Variants in CYP11B2 observed in about 807,000 individuals in gnomAD.
The protein encoded by CYP11B2 is cytochrome P450 11B2, mitochondrial.
A neutral mutation model predicts 49.3 loss-of-function variants in CYP11B2; 38 were observed. The ratio of observed to expected loss-of-function variants is 0.77; its 90% CI spans 0.59 to 1.01. The LOEUF (loss-of-function observed/expected upper bound fraction) is 1.01. Among genes scored for constraint, CYP11B2 ranks in the 50% least tolerant of loss-of-function variants. CYP11B2 has a pLI of 0.00. For synonymous variants in CYP11B2, 290 were observed against 269.3 expected, an observed-to-expected ratio of 1.08 and a Z score of -0.75; for missense variants, 669 against 655.5, an observed-to-expected ratio of 1.02 and a Z score of -0.23.
chr8:142,917,315 C>A, intron 1 of CYP11B2, 101 bp from the exon 2 acceptor site: 1 of 1,465,326 alleles, frequency 6.8e-7, no homozygotes, highest in South Asian at 1.2e-5. Flanking sequence ...CCTCCCTGCT[C>A]CTGGATTAGC....
At position 142,917,763 on chromosome 8, in the gene CYP11B2, AGTGCCCAGTGCCC is replaced by A; in HGVS notation, c.65_77del (p.Arg22LeufsTer25). 6.2e-7 allele frequency: 1 copy of A among 1,614,186 alleles called. No individual in the cohort carries two copies. Among genetic ancestry groups the A allele is most frequent in the Non-Finnish European group, 8.5e-7 (1 of 1,180,040 alleles). On this transcript the variant is annotated frameshift_variant, in exon 1 of 9. Transcript: ENST00000323110. LOFTEE classifies it high-confidence loss of function. ...CCGTCCTAGGGGCCCGAGCGGCTCT[AGTGCCCAGTGCCC>A]GTGCCCTTTGCAGGGACAGCCAGGG... is the stretch of plus-strand genomic sequence containing the variant.
rs768822913 is a variant in CYP11B2 at position 142,914,926 on chromosome 8, T to A, written c.596-18A>T. The A allele has an allele frequency of 6.2e-7, 1 of 1,613,126 alleles. No individual in the cohort carries two copies. The highest frequency in any genetic ancestry group is 8.5e-7 in the Non-Finnish European group (1 of 1,179,746). ...GTTGCTGGCTGCGGGGAGGATGCAC[T>A]GCTGAGCACAAGGCAGCCCCAGGCC... On this transcript the variant is annotated intron_variant, in intron 3 of 8. Coordinates refer to ENST00000323110, the MANE Select transcript of CYP11B2 (RefSeq NM_000498.3).
chr8:142,915,115 C>T lies in CYP11B2; in HGVS notation c.526G>A (p.Val176Met), dbSNP rs775301100. The change falls in exon 3 of 9, where the codon GTG (valine) becomes ATG (methionine). Residue 176 changes from valine to methionine, a missense_variant. Transcript: ENST00000323110. Reference sequence around the variant, plus strand: ...AGGCTCCCCCGGGCGTTCTGCAGCACCTTCTTCTTCAGGGCCTGGGAGAAG... The same window carrying T: ...AGGCTCCCCCGGGCGTTCTGCAGCATCTTCTTCTTCAGGGCCTGGGAGAAG... ...RDFSQALKKK[V>M]LQNARGSLTL... 1 of 1,613,832 alleles carries T rather than the reference C, an allele frequency of 6.2e-7. No homozygotes were observed.
At chr8:142,915,266 C>T (rs1416689286) in intron 2 of CYP11B2, 21 bp from the exon 3 acceptor site, 2 of 1,586,864 alleles carry the variant, frequency 1.3e-6, no homozygotes, top group Middle Eastern at 1.7e-4. Context: ...CAGGGCAGAG[C>T]TTGTGAGGCC....
intron 8 of CYP11B2, 71 bp from the exon 9 acceptor site, chr8:142,912,164 G>C (rs1817548567): frequency 1.2e-6 from 2 of 1,606,030 alleles, no homozygotes; most frequent in Non-Finnish European, 1.7e-6. Context: ...TCCTCCCATC[G>C]TCCCAGGTGC....
chr8:142,912,686 G>A lies in CYP11B2; in HGVS notation c.1242C>T (p.Ala414=), dbSNP rs2130324912. 3.1e-6 allele frequency: 5 copies of A among 1,614,122 alleles called. No homozygotes were observed. The highest frequency in any genetic ancestry group is 2.7e-5 in the African/African-American group (2 of 74,996). ...QVFLYSLGRN[A]ALFPRPERYN... ...ACCGCTCAGGCCTCGGGAACAAGGCGGCATTGCGACCCAGCGAGTAGAGGA... is the reference window on the plus strand; with the variant it reads ...ACCGCTCAGGCCTCGGGAACAAGGCAGCATTGCGACCCAGCGAGTAGAGGA... Residue 414 remains alanine, a synonymous_variant, in exon 8 of 9, where the codon GCC becomes GCT. Coordinates refer to ENST00000323110, the MANE Select transcript of CYP11B2 (RefSeq NM_000498.3).
chr8:142,914,136 G>C, intron 5 of CYP11B2, 128 bp downstream of exon 5: 1 of 1,075,492 alleles, frequency 9.3e-7, no homozygotes, highest in Non-Finnish European at 1.4e-6. Flanking sequence ...GGAAGGCTGA[G>C]GGCAACAGAA....
intron 8 of CYP11B2, 100 bp downstream of exon 8, chr8:142,912,430 A>G (rs1039805452): frequency 3.0e-5 from 39 of 1,320,348 alleles, no homozygotes; most frequent in Non-Finnish European, 3.3e-5. Flanking sequence ...GGCCCCATCC[A>G]CTGTTCCCAG....
In CYP11B2 at chr8:142,917,688, C is replaced by A. The variant is rs774555520; in HGVS notation, c.153G>T (p.Arg51Ser). The change falls in exon 1 of 9, where the codon AGG (arginine) becomes AGT (serine). Residue 51 changes from arginine to serine, a missense_variant. Transcript: ENST00000323110. ...MPQHPGNRWL[R>S]LLQIWREQGY... ...CCTGCTCCCTCCAGATCTGCAGCAG[C>A]CTCAGCCACCTGTTGCCTGGATGCT... The A allele has an allele frequency of 5.6e-6, 9 of 1,614,146 alleles. No homozygotes were observed. The African/African-American group carries it at 1.1e-4, about 19-fold the overall frequency.
chr8:142,915,555 C>A (rs1817630120), intron 2 of CYP11B2, among the ~76,000 whole-genome samples: 1 of 131,590 alleles, frequency 7.6e-6, no homozygotes. Context: ...TGCGGGCCCT[C>A]CCTGTAGTAA....
chr8:142,916,160 C>T (rs1481053418), intron 2 of CYP11B2, among the ~76,000 whole-genome samples: 3 of 152,158 alleles, frequency 2.0e-5, no homozygotes, highest in Non-Finnish European at 4.4e-5. Flanking sequence ...AGATGCAAGA[C>T]ACACACACAT....
At position 142,917,739 on chromosome 8, in the gene CYP11B2, C is replaced by T. The variant is rs367950425; in HGVS notation, c.102G>A (p.Thr34=). Residue 34 remains threonine (T), a synonymous_variant, in exon 1 of 9, where the codon ACG becomes ACA. Coordinates refer to ENST00000323110, the MANE Select transcript of CYP11B2 (RefSeq NM_000498.3). ...LGTRAARAPR[T]VLPFEAMPQH... is the part of the protein sequence containing the mutation. The stretch of plus-strand genomic sequence containing the variant: ...GGGGCATGGCTTCAAACGGCAGCAC[C>T]GTCCTAGGGGCCCGAGCGGCTCTAG... The T allele has an allele frequency of 1.6e-4, 265 of 1,614,236 alleles. No homozygotes were observed. The highest frequency in any genetic ancestry group is 2.7e-4 in the Admixed American group (16 of 60,036).
rs1817535503 is a variant in CYP11B2, at chr8:142,911,540, G to T, written c.*440C>A. ...ACTTGACTGGACTCTGAGATGCTGG[G>T]ATCCCGCTTAATGACTCTGACACTG... On this transcript the variant is annotated 3_prime_UTR_variant, in exon 9 of 9. Transcript: ENST00000323110. 9.1e-5 allele frequency: 18 copies of T among 197,372 alleles called. No homozygotes were observed. The South Asian group carries it at 2.0e-3, about 22-fold the overall frequency. 12.2% of individuals were successfully genotyped at this position (197,372 alleles called of 1,614,324 possible).
chr8:142,912,309 C>T (rs1210256792), intron 8 of CYP11B2, among the ~76,000 whole-genome samples: 1 of 152,014 alleles, frequency 6.6e-6, no homozygotes, highest in Non-Finnish European at 1.5e-5. Flanking sequence ...GTACAGGCTC[C>T]ACCCCACTCC....
chr8:142,912,895 G>A lies in CYP11B2; in HGVS notation c.1122-10C>T, dbSNP rs199811757. The A allele has an allele frequency of 7.2e-4, 1,164 of 1,611,704 alleles. 9 individuals carry two copies. The African/African-American group carries it at 0.013, about 18-fold the overall frequency. On this transcript the variant is annotated splice_polypyrimidine_tract_variant and intron_variant, in intron 6 of 8. Coordinates refer to ENST00000323110, the MANE Select transcript of CYP11B2 (RefSeq NM_000498.3). Reference sequence around the variant, plus strand: ...ACCCACAGGGTAGAGCCTGGAGGTGGGGGCATCCATAGAAAGGGTCCTCAG... The same window carrying A: ...ACCCACAGGGTAGAGCCTGGAGGTGAGGGCATCCATAGAAAGGGTCCTCAG...
In CYP11B2 at chr8:142,915,455, T is replaced by C. The variant is rs541258159; in HGVS notation, c.396-210A>G. Among the ~76,000 whole-genome samples the C allele has an allele frequency of 2.3e-3, 350 of 151,206 alleles. 2 individuals are homozygous for C. Among genetic ancestry groups the C allele is most frequent in the African/African-American group, 8.2e-3 (341 of 41,446 alleles). ...AAGGCCACTCAGGTCTAAGCAGGGA[T>C]GAGATGGTAGCTTCTGCCCACAGGT... On this transcript the variant is annotated intron_variant, in intron 2 of 8. Coordinates refer to ENST00000323110, the MANE Select transcript of CYP11B2 (RefSeq NM_000498.3).
chr8:142,916,661 A>G (rs1471549439), intron 2 of CYP11B2, among the ~76,000 whole-genome samples: 1 of 151,822 alleles, frequency 6.6e-6, no homozygotes, highest in Non-Finnish European at 1.5e-5. Context: ...CCCGGCGAAC[A>G]CCAGGCTCAG....
Position 142,917,174 on chromosome 8 carries a change from G to A in CYP11B2, c.280C>T (p.Pro94Ser), listed in dbSNP as rs1374018568. 6.2e-6 allele frequency: 10 copies of A among 1,614,028 alleles called. No individual in the cohort carries two copies. Among genetic ancestry groups the A allele is most frequent in the African/African-American group, 2.7e-5 (2 of 74,908 alleles). ...GGPRMVCVMLPEDVEKLQQVD... is the reference protein window; with the variant it reads ...GGPRMVCVMLSEDVEKLQQVD... ...TGTTGCAGCTTCTCCACATCCTCCG[G>A]CAGCATCACACACACCATGCGTGGT... Residue 94 changes from proline to serine, a missense_variant, in exon 2 of 9, where the codon CCG becomes TCG. Pro to Ser is a moderately conservative substitution (Grantham distance 74). Transcript: ENST00000323110.
intron 2 of CYP11B2, among the ~76,000 whole-genome samples, chr8:142,915,990 G>A (rs965687765): frequency 5.3e-4 from 80 of 152,152 alleles, no homozygotes; most frequent in Non-Finnish European, 1.2e-4. Context: ...GTGAAGAGAC[G>A]CATGTGCATG....
Sources: gnomAD v4.1 joint callset for allele counts (sites outside exome capture counted in the v4.1 genomes callset) on GRCh38, gnomAD v4.1.1 for gene constraint, MANE v1.5 for transcripts, NCBI Gene and HGNC (gene_info 2026-07-23, HGNC 2026-07-21) for gene names.